GLIS3: variants seen among roughly 807,000 people sequenced by gnomAD.
GLIS3 encodes the protein GLIS family zinc finger 3, also known as zinc finger protein GLIS3.
A neutral mutation model predicts 78.6 loss-of-function variants in GLIS3; 53 were observed. The ratio of observed to expected loss-of-function variants is 0.67; its 90% CI spans 0.54 to 0.85. The LOEUF is 0.85. Among genes scored for constraint, GLIS3 ranks in the 40% least tolerant of loss-of-function variants. The pLI is 0.00. For synonymous variants in GLIS3, 684 were observed against 509.9 expected, an observed-to-expected ratio of 1.34 and a Z score of -4.60; for missense variants, 1,703 against 1,231.1, an observed-to-expected ratio of 1.38 and a Z score of -5.74.
chr9:3,834,363 T>G (rs1365379733), intron 9 of GLIS3, among the ~76,000 whole-genome samples: 2 of 152,238 alleles, frequency 1.3e-5, no homozygotes, highest in African/African-American at 4.8e-5. Context: ...AAGAGAACTT[T>G]CCATGATGAT....
In GLIS3 at chr9:4,286,446, G is replaced by C. The variant is rs762804297; in HGVS notation, c.-21C>G. 3.1e-6 allele frequency: 5 copies of C among 1,613,194 alleles called. No homozygotes were observed. In the South Asian group the frequency reaches 3.3e-5, roughly 11 times the overall value. ...TTCATTCTGAAAAACCTGTGGCCAA[G>C]ACGGTCAAATATCCAATGTCACTAA... On this transcript the variant is annotated 5_prime_UTR_variant, in exon 2 of 11. Coordinates refer to ENST00000381971, the MANE Select transcript of GLIS3 (RefSeq NM_001042413.2).
the GLIS3 span, among the ~76,000 whole-genome samples, chr9:4,385,743 A>AAG: frequency 0.022 from 722 of 32,982 alleles, 136 homozygotes; most frequent in East Asian, 0.2. Flanking sequence ...AAGAAAAAGA[A>AAG]AGAAAGAAAG....
chr9:4,280,837 G>A (rs1228758709), intron 2 of GLIS3, among the ~76,000 whole-genome samples: 1 of 151,794 alleles, frequency 6.6e-6, no homozygotes, highest in Non-Finnish European at 1.5e-5. Context: ...AAAGCTCCAC[G>A]ATCTTGGACC....
chr9:3,879,126 T>C (rs965257049), intron 8 of GLIS3, among the ~76,000 whole-genome samples: 1 of 152,096 alleles, frequency 6.6e-6, no homozygotes, highest in Non-Finnish European at 1.5e-5. Context: ...TACCTTAAAA[T>C]TGGGTCTCTG....
chr9:3,969,233 G>C (rs373413888), intron 4 of GLIS3, among the ~76,000 whole-genome samples: 60 of 152,314 alleles, frequency 3.9e-4, no homozygotes, highest in African/African-American at 1.4e-3. Context: ...ACAAAGTGAA[G>C]ATTCAGAAGG....
At chr9:3,945,986 TC>T (rs571954180) in intron 4 of GLIS3, among the ~76,000 whole-genome samples, 5 of 152,120 alleles carry the variant, frequency 3.3e-5, no homozygotes, top group Non-Finnish European at 5.9e-5. Context: ...CAAGCTGCAT[TC>T]CCTAATTAAG....
In GLIS3 at chr9:4,051,595, T is replaced by C. The variant is rs555875802; in HGVS notation, c.1710+66173A>G. Among the ~76,000 whole-genome samples, 4 of 152,306 alleles carry C rather than the reference T, an allele frequency of 2.6e-5. No individual in the cohort carries two copies. The South Asian group carries it at 6.2e-4, about 24-fold the overall frequency. ...ATTCATGTAATTCAAAGAAAGAACA[T>C]GGTCATAAAGACTTGAGAAACTAAA... is the stretch of plus-strand genomic sequence containing the variant. On this transcript the variant is annotated intron_variant, in intron 4 of 10. Transcript: ENST00000381971.
intron 2 of GLIS3, among the ~76,000 whole-genome samples, chr9:4,195,867 G>T (rs1818789707): frequency 6.6e-6 from 1 of 152,388 alleles, no homozygotes; most frequent in East Asian, 1.9e-4. Flanking sequence ...AATCTAGTGA[G>T]GACGTGGAGA....
At chr9:4,194,582 G>C (rs990740179) in intron 2 of GLIS3, among the ~76,000 whole-genome samples, 1 of 152,158 alleles carries the variant, frequency 6.6e-6, no homozygotes, top group African/African-American at 2.4e-5. Flanking sequence ...TGAACTCTGT[G>C]AGCTTTAATT....
intron 4 of GLIS3, among the ~76,000 whole-genome samples, chr9:4,080,192 A>G (rs1828436067): frequency 6.6e-6 from 1 of 152,172 alleles, no homozygotes; most frequent in South Asian, 2.1e-4. Flanking sequence ...AAGACACCTG[A>G]CATATTAGTT....
chr9:3,954,782 G>C (rs1185252410), intron 4 of GLIS3, among the ~76,000 whole-genome samples: 2 of 152,196 alleles, frequency 1.3e-5, no homozygotes, highest in East Asian at 1.9e-4. Flanking sequence ...TCAGGATCTA[G>C]AGGATGCATT....
rs146455724 is a variant in GLIS3 at position 4,051,363 on chromosome 9, T to C, written c.1710+66405A>G. Among the ~76,000 whole-genome samples the C allele has an allele frequency of 5.9e-5, 9 of 152,304 alleles. No individual in the cohort carries two copies. In the East Asian group the frequency reaches 1.7e-3, roughly 29 times the overall value. On this transcript the variant is annotated intron_variant, in intron 4 of 10. Coordinates refer to ENST00000381971, the MANE Select transcript of GLIS3 (RefSeq NM_001042413.2). ...CAAGTGGTTAGGTAGACAGAAGCTA[T>C]CGGGAACATTCTGGACTGCTGGAGA...
intron 4 of GLIS3, among the ~76,000 whole-genome samples, chr9:4,090,817 T>C (rs1158135052): frequency 6.6e-6 from 1 of 152,230 alleles, no homozygotes; most frequent in Admixed American, 6.5e-5. Flanking sequence ...GCTGAGGTTG[T>C]GACTATTACT....
the GLIS3 span, among the ~76,000 whole-genome samples, chr9:4,378,838 C>T: frequency 1.3e-5 from 2 of 152,276 alleles, no homozygotes; most frequent in Admixed American, 1.3e-4. Flanking sequence ...TGAATGTGTG[C>T]TCCAAGTTAG....
chr9:3,914,228 C>G (rs1169028248), intron 6 of GLIS3, among the ~76,000 whole-genome samples: 1 of 152,148 alleles, frequency 6.6e-6, no homozygotes, highest in Non-Finnish European at 1.5e-5. Flanking sequence ...TCACTGTATC[C>G]TTGAATTCCT....
chr9:4,079,949 G>A lies in GLIS3; in HGVS notation c.1710+37819C>T, dbSNP rs373084705. On this transcript the variant is annotated intron_variant, in intron 4 of 10. Transcript: ENST00000381971. ...GGTAGTTATTTAACAGACACTTGTT[G>A]AAAAAAGAAAGGATACTCTGAATAC... Among the ~76,000 whole-genome samples, 129 of 152,200 alleles carry A rather than the reference G, an allele frequency of 8.5e-4. 2 individuals are homozygous for A. The East Asian group carries it at 0.017, about 20-fold the overall frequency.
the GLIS3 span, among the ~76,000 whole-genome samples, chr9:4,458,047 A>C: frequency 6.6e-6 from 1 of 151,954 alleles, no homozygotes; most frequent in Non-Finnish European, 1.5e-5. Flanking sequence ...TGAACCACCA[A>C]CCCACAGGAT....
intron 2 of GLIS3, among the ~76,000 whole-genome samples, chr9:4,253,101 C>T (rs1824553268): frequency 6.6e-6 from 1 of 152,254 alleles, no homozygotes; most frequent in Non-Finnish European, 1.5e-5. Flanking sequence ...CAGGGACCCA[C>T]TGGAGGAGGC....
chr9:4,076,222 A>T (rs1261950159), intron 4 of GLIS3, among the ~76,000 whole-genome samples: 1 of 152,246 alleles, frequency 6.6e-6, no homozygotes, highest in African/African-American at 2.4e-5. Flanking sequence ...CTATCCCATA[A>T]GAACTATAAT....
Sources: allele counts gnomAD v4.1 joint callset (sites outside exome capture counted in the v4.1 genomes callset), GRCh38; gene constraint gnomAD v4.1.1; transcripts MANE v1.5; gene names NCBI Gene and HGNC (gene_info 2026-07-23, HGNC 2026-07-21).